TAF3: variants seen among roughly 807,000 people sequenced by gnomAD.
TAF3 encodes TATA-box binding protein associated factor 3.
TAF3 carries 7 observed loss-of-function variants against 80.6 expected under a neutral mutation model. The ratio of observed to expected loss-of-function variants is 0.09; its 90% CI spans 0.05 to 0.16. The LOEUF is 0.16. TAF3 is among the 10% of genes least tolerant of loss of function. The pLI, the probability that TAF3 is intolerant of heterozygous loss-of-function variation, is 1.00. For synonymous variants in TAF3, 444 were observed against 446.1 expected (o/e 1.00, Z 0.06); for missense variants, 921 against 1,140.2 (o/e 0.81, Z 2.77).
intron 2 of TAF3, among the ~76,000 whole-genome samples, chr10:7,953,467 G>A (rs1838103991): frequency 6.6e-6 from 1 of 152,182 alleles, no homozygotes; most frequent in Admixed American, 6.5e-5. Context: ...TCAGATGTCA[G>A]TATTCACACT....
In TAF3 at chr10:7,964,176, A is replaced by G. The variant is rs765705565; in HGVS notation, c.666A>G (p.Gln222=). ...AREPLSSINT[Q]KIPPMLSPVH... ...AGCCACTCAGCTCAATAAATACTCA[A>G]AAGATCCCACCAATGCTTTCTCCAG... Residue 222 remains glutamine (Q), a synonymous_variant, in exon 3 of 7, where the codon CAA becomes CAG. Transcript: ENST00000344293. The surrounding 1 kb of genome is among the most constrained non-coding windows in gnomAD (Gnocchi z 4.1). 4 of 1,614,208 alleles carry G rather than the reference A, an allele frequency of 2.5e-6. 1 individual carries two copies. In the South Asian group the frequency reaches 4.4e-5, roughly 18 times the overall value.
intron 2 of TAF3, among the ~76,000 whole-genome samples, chr10:7,899,174 G>C (rs1048724545): frequency 1.3e-5 from 2 of 152,088 alleles, no homozygotes; most frequent in South Asian, 2.1e-4. Flanking sequence ...TGCGATTTTC[G>C]ATCCTGGGCC....
intron 2 of TAF3, among the ~76,000 whole-genome samples, chr10:7,882,740 G>T (rs890270181): frequency 2.6e-5 from 4 of 152,194 alleles, no homozygotes; most frequent in Non-Finnish European, 5.9e-5. Flanking sequence ...TGAGGGTTTT[G>T]TAGAATGTAG....
intron 2 of TAF3, among the ~76,000 whole-genome samples, chr10:7,915,505 T>C (rs1338896285): frequency 6.6e-6 from 1 of 150,694 alleles, no homozygotes; most frequent in Non-Finnish European, 1.5e-5. Flanking sequence ...TAGCCGGGCA[T>C]GGTGGTGCGC....
intron 3 of TAF3, among the ~76,000 whole-genome samples, chr10:7,976,846 A>G (rs898236924): frequency 1.3e-5 from 2 of 152,214 alleles, no homozygotes; most frequent in African/African-American, 4.8e-5. Context: ...GTCAAGTTCC[A>G]TAAACAGATG....
At chr10:7,886,156 T>C (rs1194730073) in intron 2 of TAF3, among the ~76,000 whole-genome samples, 2 of 152,142 alleles carry the variant, frequency 1.3e-5, no homozygotes, top group Non-Finnish European at 2.9e-5. Context: ...CTCAAACTCC[T>C]TGGTTCAAGT....
At chr10:7,980,675 G>A (rs1369564311) in intron 4 of TAF3, among the ~76,000 whole-genome samples, 1 of 152,172 alleles carries the variant, frequency 6.6e-6, no homozygotes, top group Non-Finnish European at 1.5e-5. Context: ...TGAAATATCT[G>A]GTCCAGCCTA....
intron 2 of TAF3, among the ~76,000 whole-genome samples, chr10:7,854,694 G>A (rs2131129044): frequency 6.6e-6 from 1 of 152,096 alleles, no homozygotes; most frequent in East Asian, 1.9e-4. Context: ...TAGGAAATCA[G>A]GAAGCTAGGG....
intron 2 of TAF3, among the ~76,000 whole-genome samples, chr10:7,900,769 C>T (rs1361049511): frequency 6.6e-6 from 1 of 152,174 alleles, no homozygotes; most frequent in Non-Finnish European, 1.5e-5. Context: ...TAGTGTTTCA[C>T]TGTTTTACTG....
Position 7,964,082 on chromosome 10 carries a change from C to T in TAF3, c.572C>T (p.Ala191Val). 2 of 1,614,026 alleles carry T rather than the reference C, an allele frequency of 1.2e-6. No homozygotes were observed. Among genetic ancestry groups the T allele is most frequent in the South Asian group, 2.2e-5 (2 of 91,064 alleles). ...LDSPEAEELP[A>V]MKRPRLLSTK... ...AGTCCTGAAGCTGAAGAACTGCCAG[C>T]CATGAAGCGGCCTCGGCTATTAAGC... is the stretch of plus-strand genomic sequence containing the variant. The change falls in exon 3 of 7, where the codon GCC (alanine) becomes GTC (valine). Residue 191 changes from alanine to valine, a missense_variant. This residue lies in a region of TAF3 where 743 missense variants were observed against 821.0 expected (regional missense o/e 0.90). Coordinates refer to ENST00000344293, the MANE Select transcript of TAF3 (RefSeq NM_031923.4). This position sits in a 1 kb window ranked among gnomAD's most constrained non-coding sequence, Gnocchi z 4.1.
intron 2 of TAF3, among the ~76,000 whole-genome samples, chr10:7,950,225 T>G (rs1458918257): frequency 5.9e-5 from 9 of 152,122 alleles, no homozygotes; most frequent in Admixed American, 5.2e-4. Flanking sequence ...AGAATATGTC[T>G]TTGAAAAGAC....
chr10:7,980,484 A>G (rs1343663262), intron 4 of TAF3, among the ~76,000 whole-genome samples: 1 of 152,224 alleles, frequency 6.6e-6, no homozygotes, highest in Non-Finnish European at 1.5e-5. Flanking sequence ...TGGTGAGTCC[A>G]GGACCTCCTC....
intron 2 of TAF3, among the ~76,000 whole-genome samples, chr10:7,940,025 G>A (rs529333559): frequency 5.3e-5 from 8 of 152,222 alleles, no homozygotes; most frequent in Non-Finnish European, 7.4e-5. Context: ...ACATTATTGC[G>A]AATTAGAGGA....
At chr10:7,925,735 G>A (rs1217950641) in intron 2 of TAF3, among the ~76,000 whole-genome samples, 2 of 149,094 alleles carry the variant, frequency 1.3e-5, no homozygotes, top group South Asian at 2.1e-4. Flanking sequence ...GGAGGCAGAG[G>A]TTGCAGTGAG....
chr10:7,898,299 C>A (rs897452155), intron 2 of TAF3, among the ~76,000 whole-genome samples: 4 of 152,098 alleles, frequency 2.6e-5, no homozygotes, highest in African/African-American at 9.7e-5. Context: ...GTAATCCCAG[C>A]ACTTTGGGAG....
chr10:7,830,764 G>A (rs1048270581), intron 2 of TAF3, among the ~76,000 whole-genome samples: 48 of 152,214 alleles, frequency 3.2e-4, no homozygotes, highest in African/African-American at 9.6e-4. Context: ...GATTCCAGGC[G>A]TGAGCCACCC....
intron 2 of TAF3, among the ~76,000 whole-genome samples, chr10:7,886,955 G>A (rs953864027): frequency 6.6e-6 from 1 of 152,052 alleles, no homozygotes; most frequent in African/African-American, 2.4e-5. Flanking sequence ...AGTTAAGAGG[G>A]CCAGGCACGG....
At chr10:8,006,612 C>G (rs1296677859) in intron 4 of TAF3, among the ~76,000 whole-genome samples, 1 of 152,212 alleles carries the variant, frequency 6.6e-6, no homozygotes, top group Non-Finnish European at 1.5e-5. Context: ...TTGCAGGAAA[C>G]AAATAGAGAA....
At chr10:7,960,050 G>C (rs1838174197) in intron 2 of TAF3, among the ~76,000 whole-genome samples, 1 of 152,176 alleles carries the variant, frequency 6.6e-6, no homozygotes, top group African/African-American at 2.4e-5. Flanking sequence ...AGAAGAGCAG[G>C]ATGCACCATA....
Sources: allele counts gnomAD v4.1 joint callset (sites outside exome capture counted in the v4.1 genomes callset), GRCh38; gene constraint gnomAD v4.1.1; regional missense constraint gnomAD v4.1.1; non-coding constraint Gnocchi (gnomAD v3.1); transcripts MANE v1.5; gene names NCBI Gene and HGNC (gene_info 2026-07-23, HGNC 2026-07-21).